AUTS2: variants seen among roughly 807,000 people sequenced by gnomAD.
AUTS2 encodes activator of transcription and developmental regulator AUTS2.
Under a neutral mutation model 112.4 loss-of-function variants are expected in AUTS2, and 17 were observed. That is an observed-to-expected ratio of 0.15 (90% CI 0.10 to 0.23). AUTS2 has a LOEUF of 0.23. AUTS2 is among the 10% of genes least tolerant of loss of function. The pLI, the probability that AUTS2 is intolerant of heterozygous loss-of-function variation, is 1.00. For synonymous variants in AUTS2, 751 were observed against 702.7 expected (o/e 1.07, Z -1.09); for missense variants, 1,510 against 1,701.6 (o/e 0.89, Z 1.98).
At chr7:70,180,420 CACAT>C (rs3841654) in intron 4 of AUTS2, among the ~76,000 whole-genome samples, 32,232 of 151,888 alleles carry the variant, frequency 0.21, 3,366 homozygotes, top group Middle Eastern at 0.33. Flanking sequence ...ATAAAATAAA[CACAT>C]ACACACACAG....
At chr7:70,066,631 C>T (rs549060525) in intron 2 of AUTS2, among the ~76,000 whole-genome samples, 26 of 151,644 alleles carry the variant, frequency 1.7e-4, no homozygotes, top group African/African-American at 4.8e-4. Context: ...CTCCGTCTCC[C>T]GGGTTCAAGC....
At chr7:69,694,305 C>A (rs376572215) in intron 1 of AUTS2, among the ~76,000 whole-genome samples, 1 of 152,230 alleles carries the variant, frequency 6.6e-6, no homozygotes, top group African/African-American at 2.4e-5. Context: ...GAAAGCCCTG[C>A]AGGTAATTTT....
At chr7:69,870,933 T>C (rs1286173661) in intron 1 of AUTS2, among the ~76,000 whole-genome samples, 5 of 152,348 alleles carry the variant, frequency 3.3e-5, no homozygotes, top group Admixed American at 3.3e-4. Flanking sequence ...TAAATGCAGA[T>C]ATGAGAGCAT....
At chr7:69,731,422 C>T (rs1190325344) in intron 1 of AUTS2, among the ~76,000 whole-genome samples, 1 of 152,152 alleles carries the variant, frequency 6.6e-6, no homozygotes, top group Non-Finnish European at 1.5e-5. Flanking sequence ...GTTTCCTCCA[C>T]TGTAAAATGG....
chr7:70,777,355 G>T, intron 14 of AUTS2, 181 bp downstream of exon 14: 2 of 622,368 alleles, frequency 3.2e-6, no homozygotes, highest in South Asian at 1.9e-5. Flanking sequence ...TAGAGTCAGG[G>T]TCTCACTCTG....
chr7:70,784,142 A>T (rs761203000), intron 15 of AUTS2: 3 of 152,252 alleles, frequency 2.0e-5, no homozygotes, highest in African/African-American at 7.2e-5. Flanking sequence ...GCCCCAAAAC[A>T]TAAGAATCAA....
intron 4 of AUTS2, among the ~76,000 whole-genome samples, chr7:70,239,635 A>T (rs980390676): frequency 1.3e-5 from 2 of 152,042 alleles, no homozygotes; most frequent in African/African-American, 2.4e-5. Context: ...GGGTTTCCCC[A>T]TGTTGGCCAG....
At chr7:70,122,556 C>G (rs1418275577) in intron 3 of AUTS2, among the ~76,000 whole-genome samples, 1 of 151,898 alleles carries the variant, frequency 6.6e-6, no homozygotes, top group Non-Finnish European at 1.5e-5. Context: ...GGATGCCAGA[C>G]ATTATAAAAT....
chr7:69,861,205 C>G (rs1367687776), intron 1 of AUTS2, among the ~76,000 whole-genome samples: 2 of 152,162 alleles, frequency 1.3e-5, no homozygotes, highest in Non-Finnish European at 2.9e-5. Flanking sequence ...TCCCCTTACC[C>G]CCTTCAGAAG....
intron 2 of AUTS2, among the ~76,000 whole-genome samples, chr7:70,019,009 C>T (rs1381346749): frequency 6.6e-6 from 1 of 152,140 alleles, no homozygotes; most frequent in Non-Finnish European, 1.5e-5. Context: ...ATGGAATCAA[C>T]CTAAATGCCC....
At chr7:69,848,860 TCCCCCCG>T (rs1312393497) in intron 1 of AUTS2, among the ~76,000 whole-genome samples, 1 of 151,938 alleles carries the variant, frequency 6.6e-6, no homozygotes, top group Non-Finnish European at 1.5e-5. Flanking sequence ...TGAAGTGGAC[TCCCCCCG>T]CCCCCCGCCA....
At chr7:70,712,217 T>A (rs1810097633) in intron 6 of AUTS2, among the ~76,000 whole-genome samples, 1 of 133,118 alleles carries the variant, frequency 7.5e-6, no homozygotes, top group African/African-American at 3.0e-5. Context: ...TTTTTTTTTT[T>A]TTTTTTTTTT....
chr7:70,306,605 A>C (rs916387514), intron 4 of AUTS2, among the ~76,000 whole-genome samples: 3 of 152,220 alleles, frequency 2.0e-5, no homozygotes, highest in Non-Finnish European at 4.4e-5. Context: ...ATCACTACAC[A>C]TTGAGAAGAT....
At chr7:70,000,135 A>C (rs959979275) in intron 2 of AUTS2, among the ~76,000 whole-genome samples, 12 of 152,214 alleles carry the variant, frequency 7.9e-5, no homozygotes, top group Admixed American at 5.9e-4. Flanking sequence ...AGCACATTGA[A>C]ACAAATTTAT....
intron 1 of AUTS2, among the ~76,000 whole-genome samples, chr7:69,718,999 G>A (rs969968436): frequency 2.0e-5 from 3 of 152,140 alleles, no homozygotes; most frequent in Admixed American, 6.6e-5. Context: ...TAGCCAGCCC[G>A]CCCGCAGGGG....
chr7:69,991,824 GT>G (rs1354320601), intron 2 of AUTS2, among the ~76,000 whole-genome samples: 1 of 152,142 alleles, frequency 6.6e-6, no homozygotes, highest in African/African-American at 2.4e-5. Context: ...CCAAAGTTTT[GT>G]TGCAAAATAC....
intron 5 of AUTS2, among the ~76,000 whole-genome samples, chr7:70,690,889 A>G (rs1808720572): frequency 6.6e-6 from 1 of 152,206 alleles, no homozygotes. Context: ...TTAGCCCAGG[A>G]GTTCCAGGTT....
rs200298443 is a variant in AUTS2, at chr7:69,899,516, C to A, written c.522+18C>A. ...TCAGACAGGTGAGGAAGCTTGGGTT[C>A]GCTCTTTCCTGTGGCGGCAAAATCC... On this transcript the variant is annotated intron_variant, in intron 2 of 18. Coordinates refer to ENST00000342771, the MANE Select transcript of AUTS2 (RefSeq NM_015570.4). 1.9e-6 allele frequency: 3 copies of A among 1,612,634 alleles called. 1 individual carries two copies. The highest frequency in any genetic ancestry group is 2.2e-5 in the South Asian group (2 of 90,962).
intron 4 of AUTS2, among the ~76,000 whole-genome samples, chr7:70,351,279 C>A (rs899005134): frequency 6.6e-6 from 1 of 152,090 alleles, no homozygotes; most frequent in Non-Finnish European, 1.5e-5. Context: ...GTCTCGAACT[C>A]CTGACCTCTG....
Sources: allele counts gnomAD v4.1 joint callset (sites outside exome capture counted in the v4.1 genomes callset), GRCh38; gene constraint gnomAD v4.1.1; transcripts MANE v1.5; gene names NCBI Gene and HGNC (gene_info 2026-07-23, HGNC 2026-07-21).